ABL1: variants seen among roughly 807,000 people sequenced by gnomAD.
ABL1 encodes tyrosine-protein kinase ABL1.
A neutral mutation model predicts 94.7 loss-of-function variants in ABL1; 11 were observed. That is an observed-to-expected ratio of 0.12 (90% CI 0.07 to 0.19). The LOEUF is 0.19. ABL1 is among the 10% of genes least tolerant of loss of function. ABL1 has a pLI of 1.00. For missense variants in ABL1, 1,082 were observed against 1,489.4 expected, an observed-to-expected ratio of 0.73 and a Z score of 4.50; for synonymous variants, 656 against 622.4, an observed-to-expected ratio of 1.05 and a Z score of -0.80.
rs748958966 is a variant in ABL1 at position 130,880,016 on chromosome 9, G to A, written c.1424-52G>A. ...CTTTTCCTTGAGAACTGCTAGCCCC[G>A]TATTGCTAGCCAGATCTCATGGATG... On this transcript the variant is annotated intron_variant, in intron 8 of 10. Coordinates refer to ENST00000318560, the MANE Select transcript of ABL1 (RefSeq NM_005157.6). The surrounding 1 kb of genome is among the most constrained non-coding windows in gnomAD (Gnocchi z 4.4). 76 of 1,516,202 alleles carry A rather than the reference G, an allele frequency of 5.0e-5. No individual in the cohort carries two copies. The highest frequency in any genetic ancestry group is 6.0e-5 in the Non-Finnish European group (65 of 1,091,008). 93.9% of individuals were successfully genotyped at this position (1,516,202 alleles called of 1,614,324 possible).
At chr9:130,860,616 G>A (rs1411302706) in intron 3 of ABL1, among the ~76,000 whole-genome samples, 1 of 152,200 alleles carries the variant, frequency 6.6e-6, no homozygotes, top group East Asian at 1.9e-4. Context: ...CAGGTGCCCT[G>A]CCCTGGAGCC....
At chr9:130,881,688 G>T (rs1473760014) in intron 10 of ABL1, among the ~76,000 whole-genome samples, 2 of 152,212 alleles carry the variant, frequency 1.3e-5, no homozygotes, top group South Asian at 2.1e-4. Flanking sequence ...TATTGGAGGT[G>T]GGGGGTAGGC....
At chr9:130,734,395 T>G (rs1347050426) in intron 1 of ABL1, among the ~76,000 whole-genome samples, 3 of 149,200 alleles carry the variant, frequency 2.0e-5, no homozygotes, top group Non-Finnish European at 4.5e-5. Context: ...TTTTGCATGT[T>G]TAGTAGAGAC....
chr9:130,854,355 T>A, intron 2 of ABL1, 118 bp downstream of exon 2: 1 of 1,167,424 alleles, frequency 8.6e-7, no homozygotes, highest in Non-Finnish European at 1.2e-6. Flanking sequence ...ACTGCAGGGA[T>A]ATCCAAAACA....
intron 1 of ABL1, among the ~76,000 whole-genome samples, chr9:130,725,836 T>G (rs1198269567): frequency 5.0e-5 from 6 of 119,306 alleles, no homozygotes; most frequent in Admixed American, 8.3e-5. Context: ...TTTTTTTTTT[T>G]TTTTTTTTTT....
chr9:130,839,093 T>G (rs1411371173), intron 1 of ABL1, among the ~76,000 whole-genome samples: 2 of 151,560 alleles, frequency 1.3e-5, no homozygotes, highest in Non-Finnish European at 1.5e-5. Context: ...TTTTTTTTTT[T>G]GTAGAGACAG....
At chr9:130,750,808 G>T (rs2132728153) in intron 1 of ABL1, among the ~76,000 whole-genome samples, 1 of 151,180 alleles carries the variant, frequency 6.6e-6, no homozygotes, top group East Asian at 2.0e-4. Context: ...CACCATGCCT[G>T]GCTAATTTTT....
intron 1 of ABL1, among the ~76,000 whole-genome samples, chr9:130,733,750 C>T (rs964957071): frequency 3.3e-5 from 5 of 151,774 alleles, no homozygotes; most frequent in African/African-American, 1.2e-4. Flanking sequence ...GCCACCACGC[C>T]CGGCTAACTT....
intron 1 of ABL1, among the ~76,000 whole-genome samples, chr9:130,784,318 A>G (rs965918197): frequency 6.6e-6 from 1 of 152,178 alleles, no homozygotes; most frequent in African/African-American, 2.4e-5. Context: ...ATATAGTAAT[A>G]TAGTGGGGTT....
At chr9:130,868,845 G>T (rs73557820) in intron 4 of ABL1, among the ~76,000 whole-genome samples, 5,439 of 152,016 alleles carry the variant, frequency 0.036, 294 homozygotes, top group African/African-American at 0.12. Flanking sequence ...GTGCTTGGGG[G>T]TGAGCAAAAA....
At chr9:130,812,989 G>C (rs898523036) in intron 1 of ABL1, among the ~76,000 whole-genome samples, 1 of 152,102 alleles carries the variant, frequency 6.6e-6, no homozygotes, top group East Asian at 1.9e-4. Context: ...CAAGGCGGGC[G>C]GATCACCTGA....
chr9:130,871,001 C>G (rs528693205), intron 4 of ABL1, among the ~76,000 whole-genome samples: 1 of 152,140 alleles, frequency 6.6e-6, no homozygotes, highest in Non-Finnish European at 1.5e-5. Flanking sequence ...CCAAACGGGC[C>G]GGAACATACA....
chr9:130,843,026 G>T (rs1455216165), intron 1 of ABL1, among the ~76,000 whole-genome samples: 2 of 152,124 alleles, frequency 1.3e-5, no homozygotes, highest in African/African-American at 4.8e-5. Context: ...TTTTATATAG[G>T]TTTTCCTGGT....
intron 1 of ABL1, among the ~76,000 whole-genome samples, chr9:130,763,863 CAGTG>C (rs1230001573): frequency 6.6e-6 from 1 of 152,118 alleles, no homozygotes; most frequent in Non-Finnish European, 1.5e-5. Flanking sequence ...TGCCGGGAAT[CAGTG>C]GGGGCATTTT....
Position 130,862,968 on chromosome 9 carries a change from A to G in ABL1, c.755A>G (p.Gln252Arg). Reference sequence around the variant, plus strand: ...ATGAAGCACAAGCTGGGCGGGGGCCAGTACGGGGAGGTGTACGAGGGCGTG... The same window carrying G: ...ATGAAGCACAAGCTGGGCGGGGGCCGGTACGGGGAGGTGTACGAGGGCGTG... The part of the protein sequence containing the change: ...ITMKHKLGGG[Q>R]YGEVYEGVWK... The change falls in exon 4 of 11, where the codon CAG becomes CGG. Residue 252 changes from glutamine to arginine, a missense_variant. Coordinates refer to ENST00000318560, the MANE Select transcript of ABL1 (RefSeq NM_005157.6). The surrounding 1 kb of genome is among the most constrained non-coding windows in gnomAD (Gnocchi z 5.5). The G allele has an allele frequency of 6.2e-7, 1 of 1,614,182 alleles. No individual in the cohort carries two copies. The highest frequency in any genetic ancestry group is 8.5e-7 in the Non-Finnish European group (1 of 1,180,040).
At chr9:130,729,817 C>T (rs143826577) in intron 1 of ABL1, among the ~76,000 whole-genome samples, 2 of 151,712 alleles carry the variant, frequency 1.3e-5, no homozygotes, top group African/African-American at 4.8e-5. Flanking sequence ...CTCACTGCAA[C>T]CTCCACCTCC....
chr9:130,756,048 A>T (rs1434076948), intron 1 of ABL1, among the ~76,000 whole-genome samples: 1 of 152,212 alleles, frequency 6.6e-6, no homozygotes, highest in Non-Finnish European at 1.5e-5. Context: ...CCCCTTATGT[A>T]AGCCACTTAG....
chr9:130,755,030 G>A (rs1168532857), intron 1 of ABL1, among the ~76,000 whole-genome samples: 1 of 152,108 alleles, frequency 6.6e-6, no homozygotes, highest in Admixed American at 6.6e-5. Context: ...TGGACATTGG[G>A]CATTATACAT....
intron 1 of ABL1, among the ~76,000 whole-genome samples, chr9:130,765,976 T>C (rs1162024828): frequency 6.6e-6 from 1 of 152,208 alleles, no homozygotes; most frequent in Non-Finnish European, 1.5e-5. Flanking sequence ...ATTTGAGTGC[T>C]TCCCTGAGGA....
Sources: allele counts gnomAD v4.1 joint callset (sites outside exome capture counted in the v4.1 genomes callset), GRCh38; gene constraint gnomAD v4.1.1; non-coding constraint Gnocchi (gnomAD v3.1); transcripts MANE v1.5; gene names NCBI Gene and HGNC (gene_info 2026-07-23, HGNC 2026-07-21).